Variants in ULK4 observed in about 807,000 individuals in gnomAD.
ULK4 encodes the protein inactive serine/threonine-protein kinase ULK4.
Under a neutral mutation model 160.6 loss-of-function variants are expected in ULK4, and 133 were observed. That is an observed-to-expected ratio of 0.83 (90% confidence interval 0.72 to 0.96). The LOEUF (loss-of-function observed/expected upper bound fraction) is 0.96. ULK4 is among the 40% of genes least tolerant of loss of function. The pLI is 0.00. For missense variants in ULK4, 1,580 were observed against 1,499.5 expected, an observed-to-expected ratio of 1.05 and a Z score of -0.89; for synonymous variants, 534 against 539.8, an observed-to-expected ratio of 0.99 and a Z score of 0.15.
chr3:41,770,910 T>C (rs1354927975), intron 21 of ULK4, among the ~76,000 whole-genome samples: 1 of 152,220 alleles, frequency 6.6e-6, no homozygotes, highest in East Asian at 1.9e-4. Flanking sequence ...AAGGTGAATT[T>C]CTAAAGAAGC....
At chr3:41,283,954 A>G (rs2079411567) in intron 35 of ULK4, among the ~76,000 whole-genome samples, 1 of 148,360 alleles carries the variant, frequency 6.7e-6, no homozygotes, top group East Asian at 2.0e-4. Context: ...CCCCTTTTAC[A>G]ATAGCTGCCA....
chr3:41,704,094 A>C (rs2036780950), intron 27 of ULK4, among the ~76,000 whole-genome samples: 1 of 152,178 alleles, frequency 6.6e-6, no homozygotes, highest in African/African-American at 2.4e-5. Context: ...CTGCTATCTA[A>C]AATTTTGCCT....
chr3:41,959,454 G>A (rs1184539126), intron 1 of ULK4, among the ~76,000 whole-genome samples: 2 of 151,966 alleles, frequency 1.3e-5, no homozygotes, highest in Non-Finnish European at 1.5e-5. Flanking sequence ...TTGAACCCAG[G>A]AGGCACAGGT....
intron 19 of ULK4, among the ~76,000 whole-genome samples, chr3:41,811,630 G>A (rs1158264921): frequency 6.6e-5 from 10 of 152,162 alleles, no homozygotes; most frequent in Non-Finnish European, 1.3e-4. Flanking sequence ...ATTATTCACG[G>A]AATACTAGGT....
chr3:41,318,399 G>A (rs1290178265), intron 35 of ULK4, among the ~76,000 whole-genome samples: 1 of 152,130 alleles, frequency 6.6e-6, no homozygotes, highest in Non-Finnish European at 1.5e-5. Context: ...TATATAATTA[G>A]ATTTGGGTTT....
chr3:41,463,280 A>T, intron 32 of ULK4, 27 bp from the exon 33 acceptor site: 2 of 1,602,266 alleles, frequency 1.2e-6, no homozygotes, highest in South Asian at 1.1e-5. Context: ...AAAAGAAAAA[A>T]ACCTCATCAT....
intron 30 of ULK4, among the ~76,000 whole-genome samples, chr3:41,638,313 T>A (rs1392184384): frequency 2.6e-5 from 4 of 152,162 alleles, no homozygotes; most frequent in African/African-American, 9.7e-5. Flanking sequence ...TTGGGCCTAC[T>A]CTCTGTCGGA....
rs1217345646 is a variant in ULK4 at position 41,681,532 on chromosome 3, A to C, written c.2954T>G (p.Leu985Arg). ...CTGGGGAAGTAAGACATCTCGAATG[A>C]GAGCCAGAAGATTGCTGTCAGAATC... is the stretch of plus-strand genomic sequence containing the variant. ...SVDSDSNLLA[L>R]IRDVLLPQYE... The change falls in exon 29 of 37, where the codon CTC becomes CGC. Residue 985 changes from leucine (L) to arginine (R), a missense_variant. Coordinates refer to ENST00000301831, the MANE Select transcript of ULK4 (RefSeq NM_017886.4). The C allele has an allele frequency of 2.5e-6, 4 of 1,614,070 alleles. No individual in the cohort carries two copies. Among genetic ancestry groups the C allele is most frequent in the Non-Finnish European group, 3.4e-6 (4 of 1,179,966 alleles).
chr3:41,621,876 C>CTA (rs1233494740), intron 30 of ULK4, among the ~76,000 whole-genome samples: 4 of 152,032 alleles, frequency 2.6e-5, no homozygotes, highest in Admixed American at 2.6e-4. Flanking sequence ...TGACATAGGT[C>CTA]TAACAGCCAG....
intron 35 of ULK4, among the ~76,000 whole-genome samples, chr3:41,344,620 G>A (rs2080757927): frequency 6.6e-6 from 1 of 151,878 alleles, no homozygotes; most frequent in Admixed American, 6.6e-5. Flanking sequence ...AGGTATGGTG[G>A]CACACACCTA....
intron 31 of ULK4, among the ~76,000 whole-genome samples, chr3:41,600,738 G>A (rs1011836360): frequency 6.6e-6 from 1 of 152,184 alleles, no homozygotes; most frequent in Non-Finnish European, 1.5e-5. Context: ...TGCCTCCACA[G>A]TAAACCGTGA....
At chr3:41,856,506 TAA>T (rs1306213145) in intron 17 of ULK4, among the ~76,000 whole-genome samples, 3 of 106,804 alleles carry the variant, frequency 2.8e-5, no homozygotes, top group Non-Finnish European at 5.3e-5. Flanking sequence ...AATAAATAAA[TAA>T]ATAAATATAT....
chr3:41,546,804 A>C (rs2086879395), intron 32 of ULK4, among the ~76,000 whole-genome samples: 1 of 147,548 alleles, frequency 6.8e-6, no homozygotes, highest in South Asian at 2.2e-4. Context: ...CAGAGTGAAC[A>C]CAAGTTTCAC....
intron 31 of ULK4, among the ~76,000 whole-genome samples, chr3:41,614,121 T>C (rs528090982): frequency 6.6e-6 from 1 of 152,360 alleles, no homozygotes; most frequent in East Asian, 1.9e-4. Context: ...GTTGAGATTT[T>C]AGACCTTGAG....
At chr3:41,616,721 G>A (rs891394988) in intron 30 of ULK4, among the ~76,000 whole-genome samples, 1 of 152,214 alleles carries the variant, frequency 6.6e-6, no homozygotes, top group African/African-American at 2.4e-5. Flanking sequence ...CATTCACCAA[G>A]CTAGCAGTAG....
At chr3:41,523,163 C>T (rs1242359483) in intron 32 of ULK4, among the ~76,000 whole-genome samples, 3 of 152,178 alleles carry the variant, frequency 2.0e-5, no homozygotes, top group African/African-American at 7.2e-5. Context: ...CCTGCCTCAG[C>T]CTCCCAAAGT....
At chr3:41,950,388 G>A (rs1469791556) in intron 2 of ULK4, among the ~76,000 whole-genome samples, 1 of 152,120 alleles carries the variant, frequency 6.6e-6, no homozygotes, top group Admixed American at 6.6e-5. Context: ...CTACAGGCAT[G>A]TGCCACCATG....
chr3:41,933,745 A>T (rs905417833), intron 4 of ULK4, among the ~76,000 whole-genome samples: 2 of 113,526 alleles, frequency 1.8e-5, no homozygotes, highest in Admixed American at 8.6e-5. Flanking sequence ...AAAAATTAAT[A>T]AAAAAAAAAT....
At chr3:41,932,076 T>C in intron 4 of ULK4, 70 bp from the exon 5 acceptor site, 1 of 1,354,136 alleles carries the variant, frequency 7.4e-7, no homozygotes, top group Admixed American at 2.4e-5. Context: ...GTACCTCTTA[T>C]AATTGTACTA....
Sources: allele counts gnomAD v4.1 joint callset (sites outside exome capture counted in the v4.1 genomes callset), GRCh38; gene constraint gnomAD v4.1.1; transcripts MANE v1.5; gene names NCBI Gene and HGNC (gene_info 2026-07-23, HGNC 2026-07-21).